AGBL4: variants seen among roughly 807,000 people sequenced by gnomAD.
The protein encoded by AGBL4 is cytosolic carboxypeptidase 6.
A neutral mutation model predicts 66.4 loss-of-function variants in AGBL4; 58 were observed. That is an observed-to-expected ratio of 0.87 (90% CI 0.71 to 1.09). AGBL4 has a LOEUF of 1.09. Ranked by LOEUF, AGBL4 falls within the 50% of genes least tolerant of loss-of-function variation. The probability of loss-of-function intolerance (pLI) is 0.00; values close to 1 mark genes in which losing one functional copy is unlikely to be tolerated. For missense variants in AGBL4, 579 were observed against 631.0 expected (o/e 0.92, Z 0.88); for synonymous variants, 234 against 222.9 (o/e 1.05, Z -0.44).
chr1:49,524,259 A>T (rs1448102028), intron 3 of AGBL4, among the ~76,000 whole-genome samples: 1 of 152,086 alleles, frequency 6.6e-6, no homozygotes, highest in Admixed American at 6.5e-5. Flanking sequence ...TACATTAATT[A>T]TATTGAAGCA....
intron 3 of AGBL4, among the ~76,000 whole-genome samples, chr1:49,612,147 T>C (rs915721086): frequency 3.3e-5 from 5 of 152,196 alleles, no homozygotes; most frequent in Admixed American, 6.5e-5. Flanking sequence ...ATTTTTTCTA[T>C]GTGTGTATTG....
In AGBL4 at chr1:48,594,656, G is replaced by T. The variant is rs569259879; in HGVS notation, c.952-3671C>A. 5.3e-5 allele frequency among the ~76,000 whole-genome samples: 8 copies of T among 152,028 alleles called. No individual in the cohort carries two copies. In the East Asian group the frequency reaches 1.6e-3, roughly 29 times the overall value. ...GTTGCTTCCATTTTATTATTTTGTT[G>T]TTTAGTTTTCAATGTTTTGTTTCAG... On this transcript the variant is annotated intron_variant, in intron 9 of 13. Coordinates refer to ENST00000371839, the MANE Select transcript of AGBL4 (RefSeq NM_032785.4).
In AGBL4 at chr1:48,736,525, A is replaced by T. The variant is rs1371169042; in HGVS notation, c.635-73284T>A. 7.7e-7 allele frequency: 1 copy of T among 1,297,728 alleles called. No individual in the cohort carries two copies. The highest frequency in any genetic ancestry group is 1.1e-6 in the Non-Finnish European group (1 of 906,288). The allele number at this position is 1,297,728 out of a possible 1,614,324, so 80.4% of individuals were successfully genotyped here. On this transcript the variant is annotated intron_variant, in intron 6 of 13. Transcript: ENST00000371839. This position sits in a 1 kb window ranked among gnomAD's most constrained non-coding sequence, Gnocchi z 4.0. ...AGTGGGAGGCTTCTCTTGTCCTTTA[A>T]AAAGCATTGCTGCACAACTGTAAGA...
At chr1:48,960,096 G>T (rs1657835882) in intron 5 of AGBL4, among the ~76,000 whole-genome samples, 1 of 152,132 alleles carries the variant, frequency 6.6e-6, no homozygotes, top group Non-Finnish European at 1.5e-5. Flanking sequence ...CAGTTAGTAG[G>T]CTATTTCAAG....
Position 48,758,982 on chromosome 1 carries a change from G to A in AGBL4, c.635-95741C>T, listed in dbSNP as rs145643434. On this transcript the variant is annotated intron_variant, in intron 6 of 13. Transcript: ENST00000371839. ...CCTTCATTTCAGACACAAGTGCCCC[G>A]TACTCCTTGAGCTTCTTGGCCTGTT... The A allele has an allele frequency of 2.9e-5, 46 of 1,613,104 alleles. 1 individual carries two copies. The South Asian group carries it at 3.5e-4, about 12-fold the overall frequency.
intron 5 of AGBL4, among the ~76,000 whole-genome samples, chr1:48,948,681 A>T (rs186653357): frequency 2.0e-5 from 3 of 152,336 alleles, no homozygotes; most frequent in Admixed American, 2.0e-4. Flanking sequence ...AGGTGAGGCA[A>T]TGATGCCTTT....
chr1:49,937,639 TC>T (rs1450898883), intron 1 of AGBL4, among the ~76,000 whole-genome samples: 40 of 152,052 alleles, frequency 2.6e-4, no homozygotes, highest in African/African-American at 9.4e-4. Context: ...TAACAAACTG[TC>T]CCTCAGACCA....
intron 3 of AGBL4, among the ~76,000 whole-genome samples, chr1:49,437,234 G>A (rs1483051053): frequency 6.6e-6 from 1 of 152,170 alleles, no homozygotes; most frequent in Non-Finnish European, 1.5e-5. Flanking sequence ...TAAAGGATTG[G>A]CTTTCTGGTA....
chr1:48,867,771 G>T (rs947307302), intron 5 of AGBL4, among the ~76,000 whole-genome samples: 1 of 152,146 alleles, frequency 6.6e-6, no homozygotes, highest in African/African-American at 2.4e-5. Flanking sequence ...AATTAGTGAT[G>T]ACCAACCATT....
At chr1:49,865,218 A>C (rs904433556) in intron 1 of AGBL4, among the ~76,000 whole-genome samples, 1 of 152,116 alleles carries the variant, frequency 6.6e-6, no homozygotes, top group Admixed American at 6.5e-5. Flanking sequence ...GATGAGTGAG[A>C]TTCGCCCCAG....
intron 3 of AGBL4, among the ~76,000 whole-genome samples, chr1:49,537,820 G>A (rs778894821): frequency 4.6e-5 from 7 of 152,092 alleles, no homozygotes; most frequent in African/African-American, 7.2e-5. Flanking sequence ...CCAGCTACTC[G>A]GTAGGCTGAG....
intron 6 of AGBL4, among the ~76,000 whole-genome samples, chr1:48,703,411 A>C (rs1646833140): frequency 6.6e-6 from 1 of 152,184 alleles, no homozygotes; most frequent in African/African-American, 2.4e-5. Flanking sequence ...GCAGAAAAAG[A>C]GGTCATAGAT....
At chr1:49,078,912 C>T (rs1644759322) in intron 4 of AGBL4, among the ~76,000 whole-genome samples, 1 of 152,156 alleles carries the variant, frequency 6.6e-6, no homozygotes, top group Non-Finnish European at 1.5e-5. Context: ...ATTAAAAATT[C>T]AAGGCAAAAT....
chr1:49,022,538 T>A (rs540835940), intron 5 of AGBL4, among the ~76,000 whole-genome samples: 1 of 152,154 alleles, frequency 6.6e-6, no homozygotes, highest in Admixed American at 6.5e-5. Flanking sequence ...CTTGAAGACT[T>A]CTCTGGCTAA....
At chr1:49,170,265 A>G (rs950537167) in intron 4 of AGBL4, among the ~76,000 whole-genome samples, 3 of 145,722 alleles carry the variant, frequency 2.1e-5, no homozygotes, top group African/African-American at 7.4e-5. Flanking sequence ...TTATAAATTT[A>G]TATTCATATA....
intron 3 of AGBL4, among the ~76,000 whole-genome samples, chr1:49,337,561 T>G (rs578216868): frequency 6.6e-6 from 1 of 152,172 alleles, no homozygotes; most frequent in Non-Finnish European, 1.5e-5. Context: ...GGTAAAACAC[T>G]TGTGTGCACA....
intron 4 of AGBL4, among the ~76,000 whole-genome samples, chr1:49,229,339 C>G (rs1044553199): frequency 2.6e-5 from 4 of 152,050 alleles, no homozygotes; most frequent in African/African-American, 7.3e-5. Context: ...TTACTAAACA[C>G]AGAAAAGACG....
intron 1 of AGBL4, among the ~76,000 whole-genome samples, chr1:49,889,602 A>G (rs980365764): frequency 2.0e-5 from 3 of 151,766 alleles, no homozygotes; most frequent in Admixed American, 6.6e-5. Context: ...TAAAAATACA[A>G]AAAAAATAGC....
intron 1 of AGBL4, among the ~76,000 whole-genome samples, chr1:49,937,244 G>C (rs938025828): frequency 7.9e-5 from 12 of 152,182 alleles, no homozygotes; most frequent in South Asian, 4.2e-4. Flanking sequence ...AGACAAAAAA[G>C]GCCATTACAT....
Sources: allele counts gnomAD v4.1 joint callset (sites outside exome capture counted in the v4.1 genomes callset), GRCh38; gene constraint gnomAD v4.1.1; non-coding constraint Gnocchi (gnomAD v3.1); transcripts MANE v1.5; gene names NCBI Gene and HGNC (gene_info 2026-07-23, HGNC 2026-07-21).